The following RGPD1 variants were observed in gnomAD, a reference collection of about 807,000 sequenced individuals.
RGPD1 encodes the protein RANBP2-like and GRIP domain-containing protein 1.
Under a neutral mutation model 40.6 loss-of-function variants are expected in RGPD1, and 7 were observed. The ratio of observed to expected loss-of-function variants is 0.17; its 90% CI spans 0.10 to 0.32. RGPD1 has a LOEUF of 0.32. Among genes scored for constraint, RGPD1 ranks in the 10% least tolerant of loss-of-function variants. RGPD1 has a pLI of 1.00. For synonymous variants in RGPD1, 24 were observed against 167.0 expected (o/e 0.14, Z 6.60); for missense variants, 50 against 472.5 (o/e 0.11, Z 8.29).
intron 1 of RGPD1, among the ~76,000 whole-genome samples, chr2:86,945,280 TG>T (rs1680265196): frequency 6.6e-6 from 1 of 152,016 alleles, no homozygotes; most frequent in Admixed American, 6.6e-5. Flanking sequence ...CATTAGAACC[TG>T]GGGATTTCAG....
In RGPD1 at chr2:86,943,051, G is replaced by A. The variant is rs1216817203; in HGVS notation, c.72+743G>A. Among the ~76,000 whole-genome samples the A allele has an allele frequency of 5.3e-5, 8 of 151,182 alleles. No individual in the cohort carries two copies. The East Asian group carries it at 1.6e-3, about 30-fold the overall frequency. On this transcript the variant is annotated intron_variant, in intron 1 of 22. Transcript: ENST00000641458. ...CCTGGACATTTACTTTATATGCTGC[G>A]GCGGAGGTCGTACCTCCTTGGCCTG...
intron 1 of RGPD1, among the ~76,000 whole-genome samples, chr2:86,933,946 G>A (rs1573589961): frequency 7.0e-6 from 1 of 142,516 alleles, no homozygotes; most frequent in East Asian, 2.0e-4. Flanking sequence ...TGGTAGAGAC[G>A]GGGTCTCACC....
chr2:86,934,678 G>C, intron 1 of RGPD1: 1 of 193,894 alleles, frequency 5.2e-6, no homozygotes, highest in Non-Finnish European at 1.1e-5. Context: ...ATGAGCCCTC[G>C]GCAGTTAGGG....
chr2:86,938,419 G>A (rs1423957938), upstream of RGPD1, among the ~76,000 whole-genome samples: 1 of 101,646 alleles, frequency 9.8e-6, no homozygotes, highest in Non-Finnish European at 1.8e-5. Flanking sequence ...TTTCCTTGAG[G>A]AGAAATACTA....
At chr2:86,915,036 C>T (rs951613477) in intron 1 of RGPD1, among the ~76,000 whole-genome samples, 1 of 149,752 alleles carries the variant, frequency 6.7e-6, no homozygotes, top group African/African-American at 2.5e-5. Flanking sequence ...TGGCTCACAC[C>T]TGTAATCCCA....
chr2:86,920,275 G>A (rs1245128151), intron 1 of RGPD1, among the ~76,000 whole-genome samples: 2 of 151,484 alleles, frequency 1.3e-5, no homozygotes, highest in Non-Finnish European at 2.9e-5. Context: ...TTGCCATGTG[G>A]GCTATGCTGG....
chr2:86,914,062 GCCT>G, intron 1 of RGPD1: 1 of 77,044 alleles, frequency 1.3e-5, no homozygotes, highest in African/African-American at 4.8e-5. Context: ...GGCGGCCTCG[GCCT>G]CGGCCCCGGC....
upstream of RGPD1, among the ~76,000 whole-genome samples, chr2:86,939,527 C>T (rs1352470263): frequency 4.2e-5 from 6 of 141,448 alleles, no homozygotes; most frequent in Non-Finnish European, 6.1e-5. Flanking sequence ...TGCAATGAGC[C>T]GAGATTGCGC....
At chr2:86,941,098 C>T (rs1679709980), upstream of RGPD1, among the ~76,000 whole-genome samples, 1 of 151,968 alleles carries the variant, frequency 6.6e-6, no homozygotes, top group Non-Finnish European at 1.5e-5. Flanking sequence ...CAAAATAGCC[C>T]AAATTTCCAG....
upstream of RGPD1, among the ~76,000 whole-genome samples, chr2:86,941,664 CTT>C (rs1333150181): frequency 6.6e-6 from 1 of 151,322 alleles, no homozygotes; most frequent in Admixed American, 6.6e-5. Context: ...AGAGGTCTGA[CTT>C]TTCCTCTAAG....
rs1264169649 is a variant in RGPD1, at chr2:86,914,295, CGG to C, written c.72+375_72+376del. The stretch of plus-strand genomic sequence containing the variant: ...CTTGGCCTCGGCCGGGCGGCGGCGG[CGG>C]CGGCGGCGGCGGCGGCGGCGGCCTC... On this transcript the variant is annotated intron_variant, in intron 1 of 22. Transcript: ENST00000398193. Among the ~76,000 whole-genome samples the C allele has an allele frequency of 1.6e-3, 73 of 47,090 alleles. 3 individuals carry two copies. The highest frequency in any genetic ancestry group is 2.0e-3 in the Non-Finnish European group (53 of 26,722). The allele number at this position is 47,090 out of a possible 152,430, so 30.9% of individuals were successfully genotyped here. A position where few individuals can be genotyped will look rare whatever the true frequency, so the allele number is the denominator to read the frequency against.
At chr2:86,941,902 G>A (rs1679793370), upstream of RGPD1, among the ~76,000 whole-genome samples, 1 of 151,744 alleles carries the variant, frequency 6.6e-6, no homozygotes, top group African/African-American at 2.4e-5. Context: ...AGTAGAGATG[G>A]GTTTTCGCCA....
intron 17 of RGPD1, among the ~76,000 whole-genome samples, 180 bp downstream of exon 17, chr2:86,978,111 C>G (rs865990863): frequency 4.4e-3 from 503 of 114,804 alleles, no homozygotes; most frequent in African/African-American, 0.017. Flanking sequence ...GTGCAGGCTG[C>G]AGTACAGTGG....
intron 1 of RGPD1, 122 bp downstream of exon 1, chr2:86,942,430 G>T (rs112398399): frequency 9.6e-7 from 1 of 1,043,250 alleles, no homozygotes; most frequent in East Asian, 7.3e-5. Flanking sequence ...CATGGCTCCC[G>T]ACGGGCGCTG....
rs541402156 is a variant in RGPD1 at position 86,942,330 on chromosome 2, C to A, written c.72+22C>A. ...AAAGGTGAGTGGATCTCGAAGAGAC[C>A]GACGGCCTCGACCTGGCCGGGCGGC... On this transcript the variant is annotated intron_variant, in intron 1 of 22. Coordinates refer to ENST00000641458, the MANE Select transcript of RGPD1 (RefSeq NM_001382344.1). The A allele has an allele frequency of 1.1e-5, 17 of 1,553,002 alleles. No homozygotes were observed. The African/African-American group carries it at 2.0e-4, about 18-fold the overall frequency.
intron 4 of RGPD1, among the ~76,000 whole-genome samples, chr2:86,954,844 A>G (rs570349498): frequency 2.1e-5 from 3 of 139,848 alleles, no homozygotes; most frequent in African/African-American, 7.8e-5. Flanking sequence ...CTATTACCAC[A>G]GAGATCTTCC....
intron 1 of RGPD1, among the ~76,000 whole-genome samples, chr2:86,914,681 G>GGGC (rs1217785583): frequency 0.051 from 85 of 1,666 alleles, 31 homozygotes; most frequent in Non-Finnish European, 0.11. Context: ...CGACCTGGCC[G>GGGC]GGCGGCGGCG....
chr2:86,929,689 C>CTT (rs753911867), intron 1 of RGPD1, among the ~76,000 whole-genome samples: 937 of 52,634 alleles, frequency 0.018, 118 homozygotes, highest in Non-Finnish European at 0.02. Flanking sequence ...AGCCCACACT[C>CTT]TTTTTTTTTT....
intron 1 of RGPD1, among the ~76,000 whole-genome samples, chr2:86,919,748 TTTTC>T (rs1678003108): frequency 7.8e-6 from 1 of 128,234 alleles, no homozygotes; most frequent in Non-Finnish European, 1.6e-5. Flanking sequence ...ATTTACCTGT[TTTTC>T]TTTCTTCTCA....
Sources: gnomAD v4.1 joint callset for allele counts (sites outside exome capture counted in the v4.1 genomes callset) on GRCh38, gnomAD v4.1.1 for gene constraint, MANE v1.5 for transcripts, NCBI Gene and HGNC (gene_info 2026-07-23, HGNC 2026-07-21) for gene names.